PIGU: variants seen among roughly 807,000 people sequenced by gnomAD.
The protein encoded by PIGU is GPI-anchor transamidase component PIGU.
PIGU carries 24 observed loss-of-function variants against 49.9 expected under a neutral mutation model. The observed-to-expected ratio is 0.48, with a 90% confidence interval of 0.35 to 0.68. The LOEUF (loss-of-function observed/expected upper bound fraction) is 0.68, where lower values mean the gene tolerates loss of function less well. PIGU is among the 30% of genes least tolerant of loss of function. PIGU has a pLI of 0.01. For synonymous variants in PIGU, 220 were observed against 205.7 expected (o/e 1.07, Z -0.59); for missense variants, 490 against 532.6 (o/e 0.92, Z 0.79).
chr20:34,608,071 C>CTTTTT (rs10555161), intron 7 of PIGU, among the ~76,000 whole-genome samples: 9 of 123,862 alleles, frequency 7.3e-5, no homozygotes, highest in Non-Finnish European at 1.5e-4. Flanking sequence ...GGAGACATGA[C>CTTTTT]TTTTTTTTTT....
At chr20:34,659,448 C>T (rs1185787501) in intron 1 of PIGU, among the ~76,000 whole-genome samples, 4 of 150,104 alleles carry the variant, frequency 2.7e-5, no homozygotes, top group African/African-American at 7.3e-5. Context: ...GCCCCCGGCC[C>T]GGCCAGCCGC....
intron 1 of PIGU, among the ~76,000 whole-genome samples, chr20:34,674,151 T>G (rs1600679631): frequency 6.6e-6 from 1 of 150,632 alleles, no homozygotes; most frequent in African/African-American, 2.4e-5. Flanking sequence ...AGGTCAGGAG[T>G]TTAAGACCAG....
intron 1 of PIGU, among the ~76,000 whole-genome samples, chr20:34,667,317 G>T (rs1987134444): frequency 6.6e-6 from 1 of 152,138 alleles, no homozygotes; most frequent in Non-Finnish European, 1.5e-5. Context: ...CATCACTCCA[G>T]CTGCAATGAA....
Position 34,634,660 on chromosome 20 carries a change from T to C in PIGU, c.484A>G (p.Ile162Val), listed in dbSNP as rs111228442. 2 of 1,613,344 alleles carry C rather than the reference T, an allele frequency of 1.2e-6. No homozygotes were observed. Among genetic ancestry groups the C allele is most frequent in the East Asian group, 2.2e-5 (1 of 44,848 alleles). ...AAGAAAGCAATGAGGGTGTTGTTGA[T>C]GGCACAGGTAGACTTGGCAACACAA... The part of the protein sequence containing the change: ...LSCVAKSTCA[I>V]NNTLIAFFIL... Residue 162 changes from isoleucine (I) to valine (V), a missense_variant, in exon 6 of 12, where the codon ATC becomes GTC. Coordinates refer to ENST00000217446, the MANE Select transcript of PIGU (RefSeq NM_080476.5).
chr20:34,673,733 T>A (rs1987387275), intron 1 of PIGU, among the ~76,000 whole-genome samples: 1 of 152,170 alleles, frequency 6.6e-6, no homozygotes, highest in East Asian at 1.9e-4. Context: ...AATTTCCTAT[T>A]TTACAGATGG....
At chr20:34,676,711 C>G (rs1486055147) in intron 1 of PIGU, among the ~76,000 whole-genome samples, 2 of 152,202 alleles carry the variant, frequency 1.3e-5, no homozygotes, top group African/African-American at 4.8e-5. Flanking sequence ...CCCCTCAGAT[C>G]CCCACCACTA....
intron 7 of PIGU, among the ~76,000 whole-genome samples, chr20:34,596,370 A>C (rs999159197): frequency 5.9e-5 from 9 of 152,196 alleles, no homozygotes; most frequent in African/African-American, 1.9e-4. Context: ...TCCTGAAACA[A>C]ACAAAAATAG....
intron 11 of PIGU, among the ~76,000 whole-genome samples, chr20:34,561,576 G>T (rs112697641): frequency 1.3e-5 from 2 of 152,086 alleles, no homozygotes; most frequent in African/African-American, 4.8e-5. Context: ...TCTCAAACCC[G>T]TGCCCACCCC....
intron 3 of PIGU, 130 bp from the exon 4 acceptor site, chr20:34,644,356 C>G (rs1157330370): frequency 3.0e-6 from 2 of 668,548 alleles, no homozygotes; most frequent in African/African-American, 3.6e-5. Flanking sequence ...TCAGGTAGAA[C>G]TTCAACCCTC....
intron 7 of PIGU, among the ~76,000 whole-genome samples, chr20:34,615,272 G>A (rs1309029932): frequency 6.6e-6 from 1 of 152,190 alleles, no homozygotes; most frequent in African/African-American, 2.4e-5. Context: ...GTAAATGTCA[G>A]CAATTTGCAT....
At chr20:34,594,316 A>C (rs1317771154) in intron 7 of PIGU, among the ~76,000 whole-genome samples, 19 of 152,252 alleles carry the variant, frequency 1.2e-4, no homozygotes, top group Admixed American at 1.2e-3. Context: ...GTAATTGCAA[A>C]ATATTGTAAG....
At chr20:34,658,024 G>C (rs1006044203) in intron 1 of PIGU, among the ~76,000 whole-genome samples, 1 of 151,434 alleles carries the variant, frequency 6.6e-6, no homozygotes, top group African/African-American at 2.4e-5. Flanking sequence ...CTCTTTCCAC[G>C]GTCTCCCTCT....
intron 11 of PIGU, among the ~76,000 whole-genome samples, chr20:34,568,623 T>G (rs1178641143): frequency 2.0e-5 from 3 of 152,108 alleles, no homozygotes; most frequent in Non-Finnish European, 4.4e-5. Flanking sequence ...AGGTCCCATT[T>G]CCCAGAATGA....
rs75544318 is a variant in PIGU, at chr20:34,619,365, G to A, written c.530-3226C>T. ...CAGTAGTAGGAAAGGTGCTGTTCTG[G>A]AGCCCAACAGCTAGGGTGGGCTAGG... On this transcript the variant is annotated intron_variant, in intron 6 of 11. Coordinates refer to ENST00000217446, the MANE Select transcript of PIGU (RefSeq NM_080476.5). 5.9e-5 allele frequency among the ~76,000 whole-genome samples: 9 copies of A among 152,298 alleles called. No individual in the cohort carries two copies. The East Asian group carries it at 1.7e-3, about 30-fold the overall frequency.
chr20:34,644,442 T>A (rs971743269), intron 3 of PIGU, among the ~76,000 whole-genome samples: 1 of 152,166 alleles, frequency 6.6e-6, no homozygotes, highest in African/African-American at 2.4e-5. Context: ...CCCATCTAGG[T>A]TCACTTCAGT....
At chr20:34,626,333 G>A (rs1483231222) in intron 6 of PIGU, among the ~76,000 whole-genome samples, 1 of 141,918 alleles carries the variant, frequency 7.0e-6, no homozygotes, top group Non-Finnish European at 1.5e-5. Flanking sequence ...ACGGAGCTCC[G>A]CTTTTGTTGC....
At chr20:34,568,739 T>C (rs1301345093) in intron 11 of PIGU, among the ~76,000 whole-genome samples, 1 of 151,978 alleles carries the variant, frequency 6.6e-6, no homozygotes, top group Non-Finnish European at 1.5e-5. Flanking sequence ...ATGCAGGAGG[T>C]TGGTGTCAGA....
At chr20:34,623,383 C>T (rs1985322932) in intron 6 of PIGU, among the ~76,000 whole-genome samples, 2 of 151,692 alleles carry the variant, frequency 1.3e-5, no homozygotes, top group Admixed American at 6.6e-5. Flanking sequence ...TCAGTGATAA[C>T]GATGATAATT....
chr20:34,643,485 C>G (rs1403268572), intron 4 of PIGU: 1 of 152,220 alleles, frequency 6.6e-6, no homozygotes, highest in South Asian at 2.1e-4. Context: ...AGCCTTATTT[C>G]ACCCCAGCCT....
Sources: gnomAD v4.1 joint callset for allele counts (sites outside exome capture counted in the v4.1 genomes callset) on GRCh38, gnomAD v4.1.1 for gene constraint, MANE v1.5 for transcripts, NCBI Gene and HGNC (gene_info 2026-07-23, HGNC 2026-07-21) for gene names.